Variants in LMBRD1 observed in about 807,000 individuals in gnomAD.
LMBRD1 encodes LMBR1 domain containing 1, also known as lysosomal cobalamin transport escort protein LMBD1.
In LMBRD1, 64 loss-of-function variants were observed where a neutral mutation model predicts 74.8. That is an observed-to-expected ratio of 0.86 (90% confidence interval 0.70 to 1.05). LMBRD1 has a LOEUF of 1.05. Ranked by LOEUF, LMBRD1 falls within the 50% of genes least tolerant of loss-of-function variation. LMBRD1 has a pLI of 0.00. For missense variants in LMBRD1, 652 were observed against 645.9 expected (o/e 1.01, Z -0.10); for synonymous variants, 204 against 216.3 (o/e 0.94, Z 0.50).
At chr6:69,739,994 T>C (rs9342770) in intron 6 of LMBRD1, among the ~76,000 whole-genome samples, 51,095 of 151,766 alleles carry the variant, frequency 0.34, 9,626 homozygotes, top group East Asian at 0.54. Context: ...TAGTCCCAGC[T>C]ACTCAGGAGG....
intron 14 of LMBRD1, among the ~76,000 whole-genome samples, chr6:69,682,305 T>C (rs1330833687): frequency 6.6e-6 from 1 of 151,912 alleles, no homozygotes; most frequent in Non-Finnish European, 1.5e-5. Flanking sequence ...AGGACACAGT[T>C]TTCTTATACT....
intron 2 of LMBRD1, among the ~76,000 whole-genome samples, chr6:69,783,738 T>G (rs999804669): frequency 1.3e-5 from 2 of 152,162 alleles, no homozygotes; most frequent in Non-Finnish European, 2.9e-5. Context: ...AACTATCTTT[T>G]TTTTACTTCT....
chr6:69,777,920 G>C (rs1414192932), intron 3 of LMBRD1, among the ~76,000 whole-genome samples: 2 of 152,184 alleles, frequency 1.3e-5, no homozygotes, highest in Non-Finnish European at 2.9e-5. Context: ...TTTCCTATTA[G>C]GGCAGTTAGA....
chr6:69,725,229 A>G (rs546626014), intron 7 of LMBRD1, among the ~76,000 whole-genome samples: 1 of 152,232 alleles, frequency 6.6e-6, no homozygotes, highest in Non-Finnish European at 1.5e-5. Context: ...AAAAATGAAG[A>G]AATATTCCAT....
chr6:69,720,372 A>C (rs967924870), intron 7 of LMBRD1, among the ~76,000 whole-genome samples: 1 of 152,204 alleles, frequency 6.6e-6, no homozygotes, highest in Non-Finnish European at 1.5e-5. Flanking sequence ...ATATTATTAA[A>C]ACATAAGTTA....
At chr6:69,678,021 A>T (rs986246663) in intron 14 of LMBRD1, among the ~76,000 whole-genome samples, 1 of 152,156 alleles carries the variant, frequency 6.6e-6, no homozygotes, top group African/African-American at 2.4e-5. Flanking sequence ...AAAACAGGTT[A>T]GAGTTGCCAA....
intron 7 of LMBRD1, among the ~76,000 whole-genome samples, chr6:69,720,443 T>C (rs1412800484): frequency 1.3e-5 from 2 of 152,236 alleles, no homozygotes; most frequent in Non-Finnish European, 2.9e-5. Context: ...ATTCTGTTAC[T>C]ATTAGATGAA....
Position 69,796,810 on chromosome 6 carries a change from T to C in LMBRD1, c.69+3A>G. On this transcript the variant is annotated splice_donor_region_variant and intron_variant, in intron 1 of 15. Coordinates refer to ENST00000649934, the MANE Select transcript of LMBRD1 (RefSeq NM_018368.4). ...TGGGGAAAACTCCAAGCGCCTCCCCTACCAGTAGTAAGAGGCCGAATATGC... is the reference window on the plus strand; with the variant it reads ...TGGGGAAAACTCCAAGCGCCTCCCCCACCAGTAGTAAGAGGCCGAATATGC... 1 of 1,613,012 alleles carries C rather than the reference T, an allele frequency of 6.2e-7. No homozygotes were observed. Among genetic ancestry groups the C allele is most frequent in the Non-Finnish European group, 8.5e-7 (1 of 1,179,562 alleles).
intron 2 of LMBRD1, among the ~76,000 whole-genome samples, chr6:69,786,169 C>T (rs9454893): frequency 0.08 from 12,166 of 152,252 alleles, 646 homozygotes; most frequent in Admixed American, 0.15. Flanking sequence ...GATTAATCTC[C>T]AGTACCTACA....
chr6:69,731,897 T>G (rs1294163704), intron 7 of LMBRD1, among the ~76,000 whole-genome samples: 10 of 152,088 alleles, frequency 6.6e-5, no homozygotes, highest in Admixed American at 6.6e-4. Flanking sequence ...AATATAAAGT[T>G]TTAGGAACGC....
intron 1 of LMBRD1, among the ~76,000 whole-genome samples, chr6:69,791,397 C>T (rs1020822319): frequency 6.6e-6 from 1 of 152,226 alleles, no homozygotes; most frequent in African/African-American, 2.4e-5. Context: ...TCAGCCTTCA[C>T]TGTGAGTCAG....
At chr6:69,701,119 CTA>C (rs983035621) in intron 11 of LMBRD1, among the ~76,000 whole-genome samples, 13 of 151,716 alleles carry the variant, frequency 8.6e-5, no homozygotes, top group Non-Finnish European at 1.6e-4. Context: ...TTGCATTTAT[CTA>C]TGAGATAAAA....
intron 7 of LMBRD1, among the ~76,000 whole-genome samples, chr6:69,728,647 AACACAAGGCCTTCTGAATT>A (rs1766788021): frequency 6.6e-6 from 1 of 152,190 alleles, no homozygotes; most frequent in Non-Finnish European, 1.5e-5. Flanking sequence ...TCTACTGTCA[AACACAAGGCCTTCTGAATT>A]ATCCTAAACT....
chr6:69,771,844 G>A (rs1159043912), intron 3 of LMBRD1, among the ~76,000 whole-genome samples: 1 of 151,680 alleles, frequency 6.6e-6, no homozygotes, highest in African/African-American at 2.4e-5. Context: ...CCCCAAAAGA[G>A]ACAATGGTGT....
chr6:69,681,315 G>T (rs1765656049), intron 14 of LMBRD1, among the ~76,000 whole-genome samples: 1 of 151,784 alleles, frequency 6.6e-6, no homozygotes, highest in Non-Finnish European at 1.5e-5. Flanking sequence ...ATCAAACAGA[G>T]AAATAACAGG....
chr6:69,780,308 A>C (rs1421527753), intron 3 of LMBRD1, among the ~76,000 whole-genome samples, 186 bp downstream of exon 3: 1 of 151,564 alleles, frequency 6.6e-6, no homozygotes, highest in African/African-American at 2.4e-5. Flanking sequence ...AGGGGAGCTT[A>C]TTTCTTTCTT....
At chr6:69,744,282 A>G (rs1287889621) in intron 5 of LMBRD1, among the ~76,000 whole-genome samples, 1 of 152,178 alleles carries the variant, frequency 6.6e-6, no homozygotes, top group Non-Finnish European at 1.5e-5. Flanking sequence ...AGATTAAGCC[A>G]TTTATGCCTA....
At chr6:69,718,229 A>G (rs1766534292) in intron 8 of LMBRD1, among the ~76,000 whole-genome samples, 1 of 152,166 alleles carries the variant, frequency 6.6e-6, no homozygotes, top group African/African-American at 2.4e-5. Flanking sequence ...GCAAGGGGTT[A>G]CATGTAATCT....
chr6:69,687,107 A>C lies in LMBRD1; in HGVS notation c.1417+10456T>G, dbSNP rs1350502060. Among the ~76,000 whole-genome samples, 7 of 152,212 alleles carry C rather than the reference A, an allele frequency of 4.6e-5. No individual in the cohort carries two copies. In the East Asian group the frequency reaches 1.3e-3, roughly 29 times the overall value. On this transcript the variant is annotated intron_variant, in intron 14 of 15. Transcript: ENST00000649934. ...CAGATACTTTTCATTTGAAAGTAAA[A>C]GCTGATGTCCTTAAAATTATCTGCT...
Sources: allele counts gnomAD v4.1 joint callset (sites outside exome capture counted in the v4.1 genomes callset), GRCh38; gene constraint gnomAD v4.1.1; transcripts MANE v1.5; gene names NCBI Gene and HGNC (gene_info 2026-07-23, HGNC 2026-07-21).